PI4KA: variants seen among roughly 807,000 people sequenced by gnomAD.
The protein encoded by PI4KA is phosphatidylinositol 4-kinase alpha.
A neutral mutation model predicts 271.4 loss-of-function variants in PI4KA; 122 were observed. The observed-to-expected ratio is 0.45, with a 90% CI of 0.39 to 0.52. The LOEUF (loss-of-function observed/expected upper bound fraction) is 0.52. PI4KA is among the 20% of genes least tolerant of loss of function. The pLI is 0.00. For synonymous variants in PI4KA, 1,041 were observed against 1,078.8 expected (o/e 0.96, Z 0.69); for missense variants, 1,969 against 2,769.1 (o/e 0.71, Z 6.48).
intron 2 of PI4KA, among the ~76,000 whole-genome samples, chr22:20,836,376 A>G (rs1473734567): frequency 6.6e-6 from 1 of 152,224 alleles, no homozygotes; most frequent in East Asian, 1.9e-4. Context: ...TATCAAAAAC[A>G]AAAGTTTTTT....
intron 39 of PI4KA, 30 bp from the exon 40 acceptor site, chr22:20,727,894 T>C (rs367734763): frequency 9.5e-6 from 15 of 1,571,946 alleles, no homozygotes; most frequent in African/African-American, 1.4e-5. Context: ...TGGGTGGTGC[T>C]GCCTCGCCAG....
chr22:20,758,257 T>C (rs1419447278), intron 23 of PI4KA, among the ~76,000 whole-genome samples: 14 of 149,484 alleles, frequency 9.4e-5, no homozygotes, highest in African/African-American at 2.5e-4. Flanking sequence ...CCCAGCTACT[T>C]GGGAGGCTGA....
Position 20,764,632 on chromosome 22 carries a change from C to T in PI4KA, c.2708+185G>A, listed in dbSNP as rs184870804. On this transcript the variant is annotated intron_variant, in intron 22 of 54. Transcript: ENST00000255882. ...TTAGATACTGGGAGGTGTTACTATACGTGGTGTCTGGTGGTCATGAAGGAG... is the reference window on the plus strand; with the variant it reads ...TTAGATACTGGGAGGTGTTACTATATGTGGTGTCTGGTGGTCATGAAGGAG... 1.2e-4 allele frequency: 68 copies of T among 552,564 alleles called. 1 individual carries two copies. In the Middle Eastern group the frequency reaches 1.4e-3, roughly 11 times the overall value. The allele number at this position is 552,564 out of a possible 1,614,324, so 34.2% of individuals were successfully genotyped here.
chr22:20,789,286 T>A (rs1934477575), intron 19 of PI4KA, among the ~76,000 whole-genome samples: 2 of 152,248 alleles, frequency 1.3e-5, no homozygotes, highest in African/African-American at 4.8e-5. Context: ...TGAGGATTAA[T>A]CAAATTAATG....
At chr22:20,818,415 C>A in intron 7 of PI4KA, 68 bp downstream of exon 7, 6 of 1,212,174 alleles carry the variant, frequency 4.9e-6, no homozygotes, top group Non-Finnish European at 7.0e-6. Flanking sequence ...CTTAATATCA[C>A]GAGAAGTCAC....
At chr22:20,750,176 C>T (rs1280891643) in intron 27 of PI4KA, among the ~76,000 whole-genome samples, 182 bp from the exon 28 acceptor site, 1 of 152,166 alleles carries the variant, frequency 6.6e-6, no homozygotes, top group Non-Finnish European at 1.5e-5. Context: ...AATTAAAAGG[C>T]TGATAGGGTA....
At chr22:20,787,331 T>A in intron 19 of PI4KA, 1 of 496,836 alleles carries the variant, frequency 2.0e-6, no homozygotes, top group East Asian at 3.8e-5. Flanking sequence ...ACCTCCCCAC[T>A]CTTCACAGCA....
At chr22:20,837,058 GA>G (rs199517805) in intron 2 of PI4KA, among the ~76,000 whole-genome samples, 4,255 of 148,846 alleles carry the variant, frequency 0.029, 111 homozygotes, top group Admixed American at 0.059. Context: ...ATGGTAAACA[GA>G]AAAAAAAAAT....
intron 28 of PI4KA, among the ~76,000 whole-genome samples, chr22:20,748,568 G>A (rs1420709053): frequency 1.3e-5 from 2 of 152,244 alleles, no homozygotes; most frequent in Non-Finnish European, 2.9e-5. Flanking sequence ...GCCTGCAGGA[G>A]TACCAAGGAC....
intron 32 of PI4KA, chr22:20,736,878 AGG>A (rs1407907044): frequency 6.5e-6 from 1 of 153,348 alleles, no homozygotes; most frequent in Non-Finnish European, 1.5e-5. Context: ...CAGTGATGAG[AGG>A]GACCTCGCTG....
chr22:20,838,520 A>C, intron 2 of PI4KA, 95 bp downstream of exon 2: 1 of 746,156 alleles, frequency 1.3e-6, no homozygotes, highest in Non-Finnish European at 2.4e-6. Context: ...GTATTCTTCT[A>C]CTATTGCTTT....
intron 8 of PI4KA, among the ~76,000 whole-genome samples, chr22:20,811,354 C>T (rs1920990059): frequency 6.6e-6 from 1 of 152,152 alleles, no homozygotes; most frequent in Admixed American, 6.5e-5. Flanking sequence ...TTCACCCACT[C>T]ATGGTTAACA....
intron 19 of PI4KA, among the ~76,000 whole-genome samples, chr22:20,774,814 GA>G (rs1249686812): frequency 1.3e-5 from 2 of 151,644 alleles, no homozygotes; most frequent in Non-Finnish European, 2.9e-5. Flanking sequence ...CAAGATATAG[GA>G]GACCTACTCT....
At chr22:20,813,547 G>C (rs1219790496) in intron 7 of PI4KA, 41 bp from the exon 8 acceptor site, 1 of 1,600,892 alleles carries the variant, frequency 6.2e-7, no homozygotes, top group Admixed American at 1.7e-5. Context: ...GTGGTGACAG[G>C]CAACTAGGGT....
At chr22:20,798,432 G>A (rs1935105159) in intron 17 of PI4KA, 152 bp downstream of exon 17, 2 of 630,926 alleles carry the variant, frequency 3.2e-6, no homozygotes, top group Non-Finnish European at 5.7e-6. Flanking sequence ...GGCCACATTG[G>A]GTTTTCACTT....
chr22:20,742,674 G>A lies in PI4KA; in HGVS notation c.3547C>T (p.Arg1183Cys), dbSNP rs552893765. Residue 1183 changes from arginine (R) to cysteine (C), a missense_variant, in exon 31 of 55, where the codon CGC (arginine) becomes TGC (cysteine). Arg to Cys is a radical substitution (Grantham distance 180). Transcript: ENST00000255882. The part of the protein sequence containing the change: ...MVQDLHSALD[R>C]SHPQHYTQAM... ...TGCGTGTAGTGCTGAGGATGACTGC[G>A]GTCTAAAGCTGAATGTAGATCCTGG... is the stretch of plus-strand genomic sequence containing the variant. 40 of 1,614,058 alleles carry A rather than the reference G, an allele frequency of 2.5e-5. No homozygotes were observed. The highest frequency in any genetic ancestry group is 6.7e-5 in the Admixed American group (4 of 60,016).
chr22:20,786,007 T>C, intron 19 of PI4KA: 1 of 1,614,158 alleles, frequency 6.2e-7, no homozygotes, highest in Non-Finnish European at 8.5e-7. Flanking sequence ...TGTCTAGAAC[T>C]CGAGAAGTGC....
Position 20,714,580 on chromosome 22 carries a change from C to T in PI4KA, c.5390+48G>A, listed in dbSNP as rs373832110. ...CCCATGATGCAGCCGAGAAAAACTT[C>T]GCACGCGGACGCGTGGAAGTGGGGG... On this transcript the variant is annotated intron_variant, in intron 46 of 54. Coordinates refer to ENST00000255882, the MANE Select transcript of PI4KA (RefSeq NM_058004.4). The T allele has an allele frequency of 3.8e-5, 62 of 1,613,982 alleles. No homozygotes were observed. The East Asian group carries it at 7.6e-4, about 20-fold the overall frequency.
At chr22:20,828,571 T>A (rs1010542214) in intron 3 of PI4KA, among the ~76,000 whole-genome samples, 10 of 152,164 alleles carry the variant, frequency 6.6e-5, no homozygotes, top group Non-Finnish European at 1.5e-5. Flanking sequence ...GGGGTTTTTT[T>A]TTGAGACAGA....
Sources: gnomAD v4.1 joint callset for allele counts (sites outside exome capture counted in the v4.1 genomes callset) on GRCh38, gnomAD v4.1.1 for gene constraint, MANE v1.5 for transcripts, NCBI Gene and HGNC (gene_info 2026-07-23, HGNC 2026-07-21) for gene names.